LETM2: variants seen among roughly 807,000 people sequenced by gnomAD.
LETM2 encodes leucine zipper and EF-hand containing transmembrane protein 2.
In LETM2, 58 loss-of-function variants were observed where a neutral mutation model predicts 59.6. The observed-to-expected ratio is 0.97, with a 90% CI of 0.79 to 1.21. LETM2 has a LOEUF of 1.21. Among genes scored for constraint, LETM2 ranks in the 50% most tolerant of loss-of-function variants. LETM2 has a pLI of 0.00. For synonymous variants in LETM2, 199 were observed against 214.1 expected (o/e 0.93, Z 0.62); for missense variants, 572 against 575.7 (o/e 0.99, Z 0.07).
upstream of LETM2, chr8:38,382,625 A>T (rs1452179131): frequency 1.3e-5 from 2 of 152,234 alleles, no homozygotes; most frequent in Non-Finnish European, 2.9e-5. The surrounding 1 kb of genome is among the most constrained non-coding windows in gnomAD (Gnocchi z 4.2). Context: ...TTAAAGAACA[A>T]CGCGCAACCA....
chr8:38,408,243 A>T lies in LETM2; in HGVS notation c.1445A>T (p.Gln482Leu), dbSNP rs1214214465. Residue 482 changes from glutamine to leucine, a missense_variant, in exon 11 of 11, where the codon CAG becomes CTG. Coordinates refer to ENST00000379957, the MANE Select transcript of LETM2 (RefSeq NM_001286819.2). Reference sequence around the variant, plus strand: ...CAGGCCAAATCACAAATGACGGCCCAGAACAGCAAGGCTAGTTCAAAAGGA... The same window carrying T: ...CAGGCCAAATCACAAATGACGGCCCTGAACAGCAAGGCTAGTTCAAAAGGA... ...TLQAKSQMTA[Q>L]NSKASSKGA The T allele has an allele frequency of 6.2e-7, 1 of 1,613,248 alleles. No individual in the cohort carries two copies. The highest frequency in any genetic ancestry group is 1.7e-5 in the Admixed American group (1 of 59,898).
intron 8 of LETM2, chr8:38,406,706 T>C (rs1405859188): frequency 7.4e-6 from 3 of 403,030 alleles, no homozygotes; most frequent in African/African-American, 6.1e-5. Flanking sequence ...TTTTAAATGC[T>C]AGAATCTATC....
chr8:38,406,036 A>T (rs1813689303), intron 8 of LETM2, among the ~76,000 whole-genome samples: 1 of 152,184 alleles, frequency 6.6e-6, no homozygotes, highest in Non-Finnish European at 1.5e-5. Context: ...GTAATTTTGG[A>T]TGTATGTAGC....
chr8:38,407,158 T>C, intron 9 of LETM2, 120 bp downstream of exon 9: 1 of 727,986 alleles, frequency 1.4e-6, no homozygotes, highest in Non-Finnish European at 2.4e-6. Context: ...TGTTCCTTAA[T>C]AAGGAATATT....
intron 4 of LETM2, chr8:38,396,993 C>A: frequency 2.4e-6 from 1 of 414,836 alleles, no homozygotes; most frequent in Non-Finnish European, 4.7e-6. Flanking sequence ...ATTTAGTCAG[C>A]CCAACAGACA....
At chr8:38,402,922 C>T (rs28681082) in intron 7 of LETM2, among the ~76,000 whole-genome samples, 32,159 of 151,904 alleles carry the variant, frequency 0.21, 3,562 homozygotes, top group East Asian at 0.3. Context: ...GCACGCTGTG[C>T]TCCTTTGGAG....
intron 2 of LETM2, among the ~76,000 whole-genome samples, chr8:38,392,080 G>A (rs1226614268): frequency 2.6e-5 from 4 of 152,224 alleles, no homozygotes; most frequent in South Asian, 2.1e-4. Context: ...AGGCAAGGCG[G>A]TATTATGTGA....
In LETM2 at chr8:38,402,613, C is replaced by G; in HGVS notation, c.1073C>G (p.Thr358Arg). The G allele has an allele frequency of 6.2e-7, 1 of 1,614,060 alleles. No homozygotes were observed. The highest frequency in any genetic ancestry group is 8.5e-7 in the Non-Finnish European group (1 of 1,179,968). ...CGAGGGATGAGATCACTGGGTCTCACGGAGGAACAACTGCGACAACAGCTC... is the reference window on the plus strand; with the variant it reads ...CGAGGGATGAGATCACTGGGTCTCAGGGAGGAACAACTGCGACAACAGCTC... ...RARGMRSLGLTEEQLRQQLTE... is the reference protein window; with the variant it reads ...RARGMRSLGLREEQLRQQLTE... The change falls in exon 7 of 11, where the codon ACG becomes AGG. Residue 358 changes from threonine (T) to arginine (R), a missense_variant. By Grantham distance (71) the Thr-to-Arg change is moderately conservative. Coordinates refer to ENST00000379957, the MANE Select transcript of LETM2 (RefSeq NM_001286819.2).
At chr8:38,391,211 C>CA (rs377191856) in intron 2 of LETM2, among the ~76,000 whole-genome samples, 3 of 129,926 alleles carry the variant, frequency 2.3e-5, no homozygotes, top group Non-Finnish European at 3.2e-5. Context: ...AAAAAAAAAA[C>CA]CAAAAAACTG....
At chr8:38,404,585 G>C (rs1407483317) in intron 8 of LETM2, 79 bp downstream of exon 8, 2 of 863,710 alleles carry the variant, frequency 2.3e-6, no homozygotes, top group East Asian at 4.9e-5. Flanking sequence ...TACTCTTGCA[G>C]TTAGAGCAGG....
Position 38,394,221 on chromosome 8 carries a change from T to C in LETM2, c.625T>C (p.Phe209Leu). Residue 209 changes from phenylalanine (F) to leucine (L), a missense_variant, in exon 4 of 11, where the codon TTT becomes CTT. Transcript: ENST00000379957. ...CTTCCCAGAGATGTTGCCATCAACT[T>C]TTGAAAGTGAATCCAAAAAGGTATG... ...KLFPEMLPST[F>L]ESESKKEEKQ... The C allele has an allele frequency of 6.7e-7, 1 of 1,487,270 alleles. No homozygotes were observed. Among genetic ancestry groups the C allele is most frequent in the Non-Finnish European group, 8.9e-7 (1 of 1,127,630 alleles). The allele number at this position is 1,487,270 out of a possible 1,614,324, so 92.1% of individuals were successfully genotyped here.
intron 2 of LETM2, among the ~76,000 whole-genome samples, chr8:38,390,478 C>G (rs1812139817): frequency 6.6e-6 from 1 of 150,866 alleles, no homozygotes; most frequent in South Asian, 2.1e-4. Flanking sequence ...AAAGATTAGC[C>G]AGGTGTGGTG....
chr8:38,402,563 A>C lies in LETM2; in HGVS notation c.1023A>C (p.Ser341=). The change falls in exon 7 of 11, where the codon TCA becomes TCC. Residue 341 remains serine (S), a synonymous_variant. Transcript: ENST00000379957. ...AAGGGGTGACAGCATTGAGTGTATCAGAACTACAGGCTGCCTGTAGGGCCC... is the reference window on the plus strand; with the variant it reads ...AAGGGGTGACAGCATTGAGTGTATCCGAACTACAGGCTGCCTGTAGGGCCC... ...AKEGVTALSV[S]ELQAACRARG... 6 of 1,613,804 alleles carry C rather than the reference A, an allele frequency of 3.7e-6. No homozygotes were observed. Among genetic ancestry groups the C allele is most frequent in the Non-Finnish European group, 4.2e-6 (5 of 1,179,666 alleles).
At chr8:38,404,680 A>C in intron 8 of LETM2, 174 bp downstream of exon 8, 1 of 572,316 alleles carries the variant, frequency 1.7e-6, no homozygotes, top group Non-Finnish European at 3.1e-6. Flanking sequence ...CCAACCACAA[A>C]CAAACAAAAC....
At chr8:38,391,017 T>G (rs1242237631) in intron 2 of LETM2, among the ~76,000 whole-genome samples, 1 of 151,776 alleles carries the variant, frequency 6.6e-6, no homozygotes, top group Admixed American at 6.6e-5. Context: ...GTTTTGTTTT[T>G]GGCATGTTCT....
In LETM2 at chr8:38,394,213, C is replaced by T; in HGVS notation, c.617C>T (p.Pro206Leu). 1 of 1,494,364 alleles carries T rather than the reference C, an allele frequency of 6.7e-7. No individual in the cohort carries two copies. The highest frequency in any genetic ancestry group is 8.8e-7 in the Non-Finnish European group (1 of 1,130,702). 92.6% of individuals were successfully genotyped at this position (1,494,364 alleles called of 1,614,324 possible). A position where few individuals can be genotyped will look rare whatever the true frequency, so the allele number is the denominator to read the frequency against. The change falls in exon 4 of 11, where the codon CCA becomes CTA. Residue 206 changes from proline (P) to leucine (L), a missense_variant. Transcript: ENST00000379957. ...CTGAAACTCTTCCCAGAGATGTTGC[C>T]ATCAACTTTTGAAAGTGAATCCAAA... The part of the protein sequence containing the change: ...VFLKLFPEML[P>L]STFESESKKE...
At position 38,402,625 on chromosome 8, in the gene LETM2, T is replaced by C. The variant is rs1479455897; in HGVS notation, c.1085T>C (p.Leu362Pro). The C allele has an allele frequency of 6.2e-7, 1 of 1,614,056 alleles. No individual in the cohort carries two copies. Among genetic ancestry groups the C allele is most frequent in the Non-Finnish European group, 8.5e-7 (1 of 1,180,020 alleles). The stretch of plus-strand genomic sequence containing the variant: ...TCACTGGGTCTCACGGAGGAACAAC[T>C]GCGACAACAGCTCACGGAGGCAAGT... ...MRSLGLTEEQLRQQLTEWQDL... is the reference protein window; with the variant it reads ...MRSLGLTEEQPRQQLTEWQDL... The change falls in exon 7 of 11, where the codon CTG (leucine) becomes CCG (proline). Residue 362 changes from leucine to proline, a missense_variant. By Grantham distance (98) the Leu-to-Pro change is moderately conservative. Coordinates refer to ENST00000379957, the MANE Select transcript of LETM2 (RefSeq NM_001286819.2).
intron 2 of LETM2, among the ~76,000 whole-genome samples, chr8:38,389,796 C>T (rs549913932): frequency 1.3e-5 from 2 of 151,480 alleles, no homozygotes; most frequent in South Asian, 2.1e-4. Flanking sequence ...GTCAAGAGAT[C>T]GAGACCATCC....
chr8:38,390,113 CA>C (rs1244062070), intron 2 of LETM2, among the ~76,000 whole-genome samples: 2 of 151,676 alleles, frequency 1.3e-5, no homozygotes, highest in Non-Finnish European at 1.5e-5. Flanking sequence ...CCTAGCTACT[CA>C]GGATGCTGAG....
Sources: allele counts gnomAD v4.1 joint callset (sites outside exome capture counted in the v4.1 genomes callset), GRCh38; gene constraint gnomAD v4.1.1; non-coding constraint Gnocchi (gnomAD v3.1); transcripts MANE v1.5; gene names NCBI Gene and HGNC (gene_info 2026-07-23, HGNC 2026-07-21).